Variants in ANKRD30BL observed in about 807,000 individuals in gnomAD.
The protein encoded by ANKRD30BL is ankyrin repeat domain 30B like, also known as putative ankyrin repeat domain-containing protein 30B-like.
Under a neutral mutation model 18.4 loss-of-function variants are expected in ANKRD30BL, and 20 were observed. The observed-to-expected ratio is 1.09, with a 90% CI of 0.77 to 1.58. ANKRD30BL has a LOEUF of 1.58. Among genes scored for constraint, ANKRD30BL ranks in the 40% most tolerant of loss-of-function variants. ANKRD30BL has a pLI of 0.00. For synonymous variants in ANKRD30BL, 72 were observed against 100.9 expected (o/e 0.71, Z 1.72); for missense variants, 224 against 268.6 (o/e 0.83, Z 1.16).
At chr2:132,191,071 T>A (rs1433804912) in intron 1 of ANKRD30BL, among the ~76,000 whole-genome samples, 3 of 152,212 alleles carry the variant, frequency 2.0e-5, no homozygotes, top group Non-Finnish European at 4.4e-5. Context: ...AAGCTGTCTA[T>A]CACCTCAAAG....
intron 1 of ANKRD30BL, among the ~76,000 whole-genome samples, chr2:132,221,458 G>C (rs1422691104): frequency 7.5e-6 from 1 of 132,612 alleles, no homozygotes; most frequent in Non-Finnish European, 1.6e-5. Context: ...CCCCGTCCGG[G>C]AGGTGAGGGG....
chr2:132,226,872 A>G (rs79782981), intron 1 of ANKRD30BL, among the ~76,000 whole-genome samples: 2 of 152,244 alleles, frequency 1.3e-5, no homozygotes, highest in East Asian at 1.9e-4. Flanking sequence ...ATCTTCACAT[A>G]AAATCTAGAC....
At chr2:132,253,865 A>G (rs1680739939) in intron 1 of ANKRD30BL, among the ~76,000 whole-genome samples, 1 of 151,920 alleles carries the variant, frequency 6.6e-6, no homozygotes, top group Admixed American at 6.5e-5. Context: ...AAGGCTGGGG[A>G]GAGCAAGCGG....
intron 1 of ANKRD30BL, among the ~76,000 whole-genome samples, chr2:132,216,122 T>C (rs1208307318): frequency 6.6e-6 from 1 of 152,200 alleles, no homozygotes; most frequent in East Asian, 1.9e-4. Context: ...AACACTCTTT[T>C]TGTAGAATCT....
At chr2:132,191,935 G>A (rs544286402) in intron 1 of ANKRD30BL, among the ~76,000 whole-genome samples, 5 of 151,732 alleles carry the variant, frequency 3.3e-5, no homozygotes, top group East Asian at 1.9e-4. Context: ...TAGTAGAGAC[G>A]GGGTTTCACC....
intron 1 of ANKRD30BL, among the ~76,000 whole-genome samples, chr2:132,200,547 G>A (rs1274571033): frequency 2.6e-5 from 4 of 152,136 alleles, no homozygotes; most frequent in African/African-American, 7.2e-5. Context: ...ATTCACAATT[G>A]CTTCAAAGAG....
chr2:132,234,310 A>G (rs1231420773), intron 1 of ANKRD30BL, among the ~76,000 whole-genome samples: 1 of 152,158 alleles, frequency 6.6e-6, no homozygotes, highest in African/African-American at 2.4e-5. Flanking sequence ...TTCAAAAGCT[A>G]GCAGAAGGCA....
At chr2:132,231,619 C>A (rs529820512) in intron 1 of ANKRD30BL, among the ~76,000 whole-genome samples, 2 of 152,162 alleles carry the variant, frequency 1.3e-5, no homozygotes, top group African/African-American at 4.8e-5. Context: ...CCGAATATAG[C>A]GCTTTTCGGA....
At chr2:132,204,348 A>G (rs562414689) in intron 1 of ANKRD30BL, among the ~76,000 whole-genome samples, 1,682 of 152,024 alleles carry the variant, frequency 0.011, 2 homozygotes, top group African/African-American at 0.039. Flanking sequence ...ATGATGGGAC[A>G]TAAGTAAACA....
intron 1 of ANKRD30BL, among the ~76,000 whole-genome samples, chr2:132,229,736 A>G (rs931276482): frequency 6.6e-6 from 1 of 151,866 alleles, no homozygotes; most frequent in African/African-American, 2.4e-5. Context: ...CATTTGGTAG[A>G]AACTGCAAGT....
intron 1 of ANKRD30BL, among the ~76,000 whole-genome samples, chr2:132,223,418 C>T (rs889152327): frequency 8.9e-5 from 13 of 146,136 alleles, no homozygotes; most frequent in East Asian, 2.1e-4. Flanking sequence ...ACATTTGGAG[C>T]GCTTTGAGGC....
chr2:132,161,497 G>C lies in ANKRD30BL; in HGVS notation c.209C>G (p.Ala70Gly), dbSNP rs568587234. ...AGGCAGGGCCTGGTACCTCTTCTTC[G>C]CATCTCTTATGTTCAGGTCCATTGT... ...KTTMDLNIRD[A>G]KKRTALYWAC... The change falls in exon 1 of 6, where the codon GCG becomes GGG. Residue 70 changes from alanine to glycine, a missense_variant. Physicochemically the swap from Ala to Gly is moderately conservative, Grantham distance 60. Coordinates refer to ENST00000409867, the MANE Select transcript of ANKRD30BL (RefSeq NM_001358416.1). 6.9e-7 allele frequency: 1 copy of C among 1,456,090 alleles called. No homozygotes were observed. 90.2% of individuals were successfully genotyped at this position (1,456,090 alleles called of 1,614,324 possible).
At chr2:132,154,485 T>C (rs1259563066) in intron 4 of ANKRD30BL, among the ~76,000 whole-genome samples, 177 bp downstream of exon 4, 2 of 152,178 alleles carry the variant, frequency 1.3e-5, no homozygotes, top group African/African-American at 2.4e-5. Flanking sequence ...CTGTATACTG[T>C]TCTTTGTGTT....
chr2:132,232,664 T>A (rs1331588726), intron 1 of ANKRD30BL, among the ~76,000 whole-genome samples: 1 of 152,076 alleles, frequency 6.6e-6, no homozygotes, highest in Non-Finnish European at 1.5e-5. Flanking sequence ...GAGCAAAGCC[T>A]CCAAGAAATA....
At chr2:132,245,917 T>C (rs61170175) in intron 1 of ANKRD30BL, among the ~76,000 whole-genome samples, 162 of 151,462 alleles carry the variant, frequency 1.1e-3, no homozygotes, top group African/African-American at 3.6e-3. Flanking sequence ...AAATTGGACA[T>C]TTGGAGCACT....
chr2:132,173,299 T>TGC (rs1366845180), intron 1 of ANKRD30BL, among the ~76,000 whole-genome samples: 2 of 126,602 alleles, frequency 1.6e-5, no homozygotes, highest in Non-Finnish European at 3.3e-5. Context: ...TCAATTTTGC[T>TGC]TCTTTTTTTT....
intron 1 of ANKRD30BL, among the ~76,000 whole-genome samples, chr2:132,237,985 T>C (rs1353750743): frequency 6.6e-6 from 1 of 152,066 alleles, no homozygotes; most frequent in Non-Finnish European, 1.5e-5. Context: ...GACAGAAGCA[T>C]TCTCAGAAAC....
intron 1 of ANKRD30BL, among the ~76,000 whole-genome samples, chr2:132,211,100 G>A (rs1679334885): frequency 6.6e-6 from 1 of 152,068 alleles, no homozygotes; most frequent in Admixed American, 6.6e-5. Context: ...CCTTTGTGAT[G>A]TGTGCATTCA....
chr2:132,239,362 G>A (rs1488977279), intron 1 of ANKRD30BL, among the ~76,000 whole-genome samples: 1 of 151,878 alleles, frequency 6.6e-6, no homozygotes, highest in Non-Finnish European at 1.5e-5. Flanking sequence ...TCAACTCACA[G>A]GGTTCAACAT....
Sources: gnomAD v4.1 joint callset for allele counts (sites outside exome capture counted in the v4.1 genomes callset) on GRCh38, gnomAD v4.1.1 for gene constraint, MANE v1.5 for transcripts, NCBI Gene and HGNC (gene_info 2026-07-23, HGNC 2026-07-21) for gene names.